The following TCEAL7 variants were observed in gnomAD, a reference collection of about 807,000 sequenced individuals.
TCEAL7 encodes transcription elongation factor A like 7, also known as transcription elongation factor A protein-like 7.
For synonymous variants in TCEAL7, 22 were observed against 25.5 expected, an observed-to-expected ratio of 0.86 and a Z score of 0.42; for missense variants, 63 against 77.9, an observed-to-expected ratio of 0.81 and a Z score of 0.72.
rs1196428590 is a variant in TCEAL7 at position 103,331,401 on chromosome X, A to G, written c.-3A>G. On this transcript the variant is annotated 5_prime_UTR_variant, in exon 3 of 3. Coordinates refer to ENST00000332431, the MANE Select transcript of TCEAL7 (RefSeq NM_152278.5). ...GAGTTAAGCAGGAAACAACAACAACATCATGCAAAAACCCTGCAAAGAAAA... is the reference window on the plus strand; with the variant it reads ...GAGTTAAGCAGGAAACAACAACAACGTCATGCAAAAACCCTGCAAAGAAAA... 2.6e-6 allele frequency: 3 copies of G among 1,166,522 alleles called. No homozygotes were observed. The highest frequency in any genetic ancestry group is 1.9e-5 in the South Asian group (1 of 51,799).
chrX:103,331,874 TTCATTTAA>T lies in TCEAL7; in HGVS notation c.*170_*177del, dbSNP rs1926524761. On this transcript the variant is annotated 3_prime_UTR_variant, in exon 3 of 3. Coordinates refer to ENST00000332431, the MANE Select transcript of TCEAL7 (RefSeq NM_152278.5). The stretch of plus-strand genomic sequence containing the variant: ...CATCTCATCTTTTGACCCAATCTTA[TTCATTTAA>T]TAAGAGGTCTCATTCATTTGCATGG... 2.3e-6 allele frequency: 1 copy of T among 443,466 alleles called. No homozygotes were observed. The highest frequency in any genetic ancestry group is 3.9e-6 in the Non-Finnish European group (1 of 258,119). The allele number at this position is 443,466 out of a possible 1,213,427, so 36.5% of individuals were successfully genotyped here.
rs367829609 is a variant in TCEAL7, at chrX:103,332,080, C to CT, written c.*383dup. 3.8e-4 allele frequency: 50 copies of CT among 131,711 alleles called. No homozygotes were observed. The highest frequency in any genetic ancestry group is 5.5e-4 in the Non-Finnish European group (33 of 59,781). The allele number at this position is 131,711 out of a possible 1,213,427, so 10.9% of individuals were successfully genotyped here. On this transcript the variant is annotated 3_prime_UTR_variant, in exon 3 of 3. Coordinates refer to ENST00000332431, the MANE Select transcript of TCEAL7 (RefSeq NM_152278.5). ...TTAACAGTGAATCTCTGTGTGATCTCTTTTTTTTTCTTTTTGCCTATCTGC... is the reference window on the plus strand; with the variant it reads ...TTAACAGTGAATCTCTGTGTGATCTCTTTTTTTTTTCTTTTTGCCTATCTGC...
In TCEAL7 at chrX:103,331,059, C is replaced by G. The variant is rs1926505100; in HGVS notation, c.-28+19C>G. On this transcript the variant is annotated intron_variant, in intron 2 of 2. Transcript: ENST00000332431. ...CGCACAGGTCAGTATGAGAGAGGCA[C>G]TTAGACTGAGATCTCTGAGGATAGG... 5.2e-6 allele frequency: 1 copy of G among 191,756 alleles called. No individual in the cohort carries two copies. Among genetic ancestry groups the G allele is most frequent in the Non-Finnish European group, 9.5e-6 (1 of 105,597 alleles). The allele number at this position is 191,756 out of a possible 1,213,427, so 15.8% of individuals were successfully genotyped here. A position where few individuals can be genotyped will look rare whatever the true frequency, so the allele number is the denominator to read the frequency against.
chrX:103,331,127 A>C lies in TCEAL7; in HGVS notation c.-28+87A>C, dbSNP rs915273323. Reference sequence around the variant, plus strand: ...AGCTAGGCGAAATTTGCGGCTTCGCAGTCCATCTCCTTTTCTGCTCCGCCT... The same window carrying C: ...AGCTAGGCGAAATTTGCGGCTTCGCCGTCCATCTCCTTTTCTGCTCCGCCT... On this transcript the variant is annotated intron_variant, in intron 2 of 2. Coordinates refer to ENST00000332431, the MANE Select transcript of TCEAL7 (RefSeq NM_152278.5). 3 of 282,538 alleles carry C rather than the reference A, an allele frequency of 1.1e-5. No individual in the cohort carries two copies. The Admixed American group carries it at 1.8e-4, about 17-fold the overall frequency. The allele number at this position is 282,538 out of a possible 1,213,427, so 23.3% of individuals were successfully genotyped here. A position where few individuals can be genotyped will look rare whatever the true frequency, so the allele number is the denominator to read the frequency against.
intron 2 of TCEAL7, 136 bp from the exon 3 acceptor site, chrX:103,331,241 G>A (rs1400989679): frequency 1.0e-5 from 5 of 481,633 alleles, no homozygotes; most frequent in Non-Finnish European, 1.7e-5. Flanking sequence ...GGAGATGAGA[G>A]GGTGGAGGGA....
At chrX:103,331,084 G>C (rs1423579804) in intron 2 of TCEAL7, 44 bp downstream of exon 2, 1 of 222,246 alleles carries the variant, frequency 4.5e-6, no homozygotes, top group African/African-American at 2.9e-5. Context: ...CTGAGGATAG[G>C]AGTCGGGAAG....
rs1044749004 is a variant in TCEAL7, at chrX:103,331,943, C to T, written c.*237C>T. 4.1e-5 allele frequency: 15 copies of T among 365,893 alleles called. No homozygotes were observed. Among genetic ancestry groups the T allele is most frequent in the East Asian group, 1.4e-4 (3 of 22,080 alleles). The allele number at this position is 365,893 out of a possible 1,213,427, so 30.2% of individuals were successfully genotyped here. A position where few individuals can be genotyped will look rare whatever the true frequency, so the allele number is the denominator to read the frequency against. ...ATTGTATATTGCAAAGTGAAAATAA[C>T]GAGTTGCAAAACAGTGTATACATAT... On this transcript the variant is annotated 3_prime_UTR_variant, in exon 3 of 3. Transcript: ENST00000332431.
Position 103,331,683 on chromosome X carries a change from C to T in TCEAL7, c.280C>T (p.Arg94Trp), listed in dbSNP as rs765217711. The change falls in exon 3 of 3, where the codon CGG (arginine) becomes TGG (tryptophan). Residue 94 changes from arginine (R) to tryptophan (W), a missense_variant. Coordinates refer to ENST00000332431, the MANE Select transcript of TCEAL7 (RefSeq NM_152278.5). ...RALHSNHRHS[R>W]DRPYPI ...TCTGCATTCTAACCATAGGCATTCT[C>T]GGGACCGTCCTTATCCCATTTAATT... The T allele has an allele frequency of 6.7e-6, 8 of 1,200,517 alleles. No homozygotes were observed. The highest frequency in any genetic ancestry group is 9.0e-6 in the Non-Finnish European group (8 of 889,977).
chrX:103,331,714 C>A lies in TCEAL7; in HGVS notation c.*8C>A, dbSNP rs369238753. 3 of 1,133,281 alleles carry A rather than the reference C, an allele frequency of 2.6e-6. No homozygotes were observed. The highest frequency in any genetic ancestry group is 3.0e-5 in the East Asian group (1 of 32,941). 93.4% of individuals were successfully genotyped at this position (1,133,281 alleles called of 1,213,427 possible). The stretch of plus-strand genomic sequence containing the variant: ...CGTCCTTATCCCATTTAATTAATTT[C>A]TCTGACAATTCAATTATTTTCTGTT... On this transcript the variant is annotated 3_prime_UTR_variant, in exon 3 of 3. Coordinates refer to ENST00000332431, the MANE Select transcript of TCEAL7 (RefSeq NM_152278.5).
chrX:103,330,757 TTGCAAGGCC>T (rs1237005022), intron 1 of TCEAL7, among the ~76,000 whole-genome samples, 157 bp from the exon 2 acceptor site: 4 of 109,763 alleles, frequency 3.6e-5, no homozygotes, highest in African/African-American at 1.3e-4. Flanking sequence ...GACGCGGGCC[TTGCAAGGCC>T]CAGGCCTGAG....
At position 103,331,634 on chromosome X, in the gene TCEAL7, G is replaced by C; in HGVS notation, c.231G>C (p.Arg77Ser). The change falls in exon 3 of 3, where the codon AGG becomes AGC. Residue 77 changes from arginine (R) to serine (S), a missense_variant. Coordinates refer to ENST00000332431, the MANE Select transcript of TCEAL7 (RefSeq NM_152278.5). ...DEMERCLEEI[R>S]GLRKKFRALH... ...TGGAAAGGTGTTTGGAAGAGATAAG[G>C]GGTCTGAGAAAGAAATTTAGGGCTC... 1.7e-6 allele frequency: 2 copies of C among 1,209,618 alleles called. No individual in the cohort carries two copies. The highest frequency in any genetic ancestry group is 1.8e-5 in the South Asian group (1 of 56,847).
chrX:103,331,834 T>C lies in TCEAL7; in HGVS notation c.*128T>C. On this transcript the variant is annotated 3_prime_UTR_variant, in exon 3 of 3. Coordinates refer to ENST00000332431, the MANE Select transcript of TCEAL7 (RefSeq NM_152278.5). ...TCATTCGATGTTGCTGAGATTTACA[T>C]ATGACTCTTGTCAACATCTCATCTT... 1.9e-6 allele frequency: 1 copy of C among 529,829 alleles called. No individual in the cohort carries two copies. Among genetic ancestry groups the C allele is most frequent in the Non-Finnish European group, 3.1e-6 (1 of 325,799 alleles). 43.7% of individuals were successfully genotyped at this position (529,829 alleles called of 1,213,427 possible). A position where few individuals can be genotyped will look rare whatever the true frequency, so the allele number is the denominator to read the frequency against.
chrX:103,331,726 A>G lies in TCEAL7; in HGVS notation c.*20A>G. The G allele has an allele frequency of 9.0e-7, 1 of 1,115,322 alleles. No individual in the cohort carries two copies. Among genetic ancestry groups the G allele is most frequent in the East Asian group, 3.0e-5 (1 of 33,046 alleles). The allele number at this position is 1,115,322 out of a possible 1,213,427, so 91.9% of individuals were successfully genotyped here. ...ATTTAATTAATTTCTCTGACAATTCAATTATTTTCTGTTATTAATGTTGCC... is the reference window on the plus strand; with the variant it reads ...ATTTAATTAATTTCTCTGACAATTCGATTATTTTCTGTTATTAATGTTGCC... On this transcript the variant is annotated 3_prime_UTR_variant, in exon 3 of 3. Transcript: ENST00000332431.
chrX:103,332,053 G>A lies in TCEAL7; in HGVS notation c.*347G>A, dbSNP rs1223113289. On this transcript the variant is annotated 3_prime_UTR_variant, in exon 3 of 3. Coordinates refer to ENST00000332431, the MANE Select transcript of TCEAL7 (RefSeq NM_152278.5). Reference sequence around the variant, plus strand: ...GTGTCTGATTTTATTATACACCAAAGGTTAACAGTGAATCTCTGTGTGATC... The same window carrying A: ...GTGTCTGATTTTATTATACACCAAAAGTTAACAGTGAATCTCTGTGTGATC... The A allele has an allele frequency of 6.7e-6, 1 of 148,188 alleles. No individual in the cohort carries two copies. Among genetic ancestry groups the A allele is most frequent in the Non-Finnish European group, 1.4e-5 (1 of 70,229 alleles). The allele number at this position is 148,188 out of a possible 1,213,427, so 12.2% of individuals were successfully genotyped here.
Position 103,331,977 on chromosome X carries a change from A to G in TCEAL7, c.*271A>G, listed in dbSNP as rs1470105799. On this transcript the variant is annotated 3_prime_UTR_variant, in exon 3 of 3. Transcript: ENST00000332431. ...AAACAGTGTATACATATATGTGTGT[A>G]TATATGTACACTTTATTTGTACATT... The G allele has an allele frequency of 7.9e-6, 2 of 253,960 alleles. No homozygotes were observed. Among genetic ancestry groups the G allele is most frequent in the Non-Finnish European group, 1.4e-5 (2 of 138,398 alleles). The allele number at this position is 253,960 out of a possible 1,213,427, so 20.9% of individuals were successfully genotyped here.
Position 103,331,806 on chromosome X carries a change from C to A in TCEAL7, c.*100C>A. On this transcript the variant is annotated 3_prime_UTR_variant, in exon 3 of 3. Coordinates refer to ENST00000332431, the MANE Select transcript of TCEAL7 (RefSeq NM_152278.5). ...ATAAATATTTGCTATCGTTTTACTCCAGTCATTCGATGTTGCTGAGATTTA... is the reference window on the plus strand; with the variant it reads ...ATAAATATTTGCTATCGTTTTACTCAAGTCATTCGATGTTGCTGAGATTTA... 1 of 666,513 alleles carries A rather than the reference C, an allele frequency of 1.5e-6. No homozygotes were observed. The highest frequency in any genetic ancestry group is 2.2e-6 in the Non-Finnish European group (1 of 445,376). 54.9% of individuals were successfully genotyped at this position (666,513 alleles called of 1,213,427 possible).
intron 2 of TCEAL7, 73 bp downstream of exon 2, chrX:103,331,113 ATTTGCGGCTTCGCAGTCCATCTCC>A (rs1926506186): frequency 7.6e-6 from 2 of 264,204 alleles, no homozygotes. Context: ...GCTAGGCGAA[ATTTGCGGCTTCGCAGTCCATCTCC>A]TTTTCTGCTC....
Position 103,331,973 on chromosome X carries a change from G to C in TCEAL7, c.*267G>C. ...TGCAAAACAGTGTATACATATATGT[G>C]TGTATATATGTACACTTTATTTGTA... On this transcript the variant is annotated 3_prime_UTR_variant, in exon 3 of 3. Coordinates refer to ENST00000332431, the MANE Select transcript of TCEAL7 (RefSeq NM_152278.5). The C allele has an allele frequency of 3.7e-6, 1 of 270,925 alleles. No individual in the cohort carries two copies. The highest frequency in any genetic ancestry group is 6.7e-6 in the Non-Finnish European group (1 of 148,859). The allele number at this position is 270,925 out of a possible 1,213,427, so 22.3% of individuals were successfully genotyped here.
chrX:103,330,595 T>G (rs1926493979), intron 1 of TCEAL7, among the ~76,000 whole-genome samples: 1 of 111,378 alleles, frequency 9.0e-6, no homozygotes, highest in African/African-American at 3.3e-5. Flanking sequence ...TAAGAGAAAA[T>G]TTTAGGCCTG....
Sources: allele counts gnomAD v4.1 joint callset (sites outside exome capture counted in the v4.1 genomes callset), GRCh38; gene constraint gnomAD v4.1.1; transcripts MANE v1.5; gene names NCBI Gene and HGNC (gene_info 2026-07-23, HGNC 2026-07-21).